NSF: variants seen among roughly 807,000 people sequenced by gnomAD.
NSF encodes N-ethylmaleimide sensitive factor, vesicle fusing ATPase, also known as vesicle-fusing ATPase.
A neutral mutation model predicts 50.3 loss-of-function variants in NSF; 14 were observed. That is an observed-to-expected ratio of 0.28 (90% CI 0.18 to 0.44). The LOEUF (loss-of-function observed/expected upper bound fraction) is 0.44. NSF is among the 20% of genes least tolerant of loss of function. NSF has a pLI of 1.00. For synonymous variants in NSF, 109 were observed against 175.7 expected (o/e 0.62, Z 3.00); for missense variants, 218 against 504.3 (o/e 0.43, Z 5.44).
chr17:46,688,100 A>G (rs2058510150), intron 9 of NSF, among the ~76,000 whole-genome samples: 2 of 121,392 alleles, frequency 1.6e-5, no homozygotes, highest in Non-Finnish European at 3.3e-5. Flanking sequence ...TATTTCCTTC[A>G]TACTTCTATA....
intron 17 of NSF, among the ~76,000 whole-genome samples, chr17:46,745,966 C>T (rs182514407): frequency 4.6e-5 from 7 of 152,264 alleles, no homozygotes; most frequent in Admixed American, 4.6e-4. Flanking sequence ...CTTCATCTTC[C>T]TAATCAACCT....
chr17:46,717,816 G>A (rs1598710323), intron 15 of NSF, among the ~76,000 whole-genome samples: 3 of 152,134 alleles, frequency 2.0e-5, no homozygotes, highest in South Asian at 4.1e-4. Flanking sequence ...ACAAGGTGAC[G>A]GAAATCACGC....
chr17:46,719,543 A>G lies in NSF; in HGVS notation c.1761+5557A>G, dbSNP rs911184879. Among the ~76,000 whole-genome samples, 1 of 152,186 alleles carries G rather than the reference A, an allele frequency of 6.6e-6. No individual in the cohort carries two copies. Among genetic ancestry groups the G allele is most frequent in the African/African-American group, 2.4e-5 (1 of 41,448 alleles). On this transcript the variant is annotated intron_variant, in intron 15 of 20. Transcript: ENST00000398238. The surrounding 1 kb of genome is among the most constrained non-coding windows in gnomAD (Gnocchi z 4.3). Reference sequence around the variant, plus strand: ...ACTCCTCAAAACTGCTGAAGTATGTATGAGGTATTGTCCTCACGTTCTGGG... The same window carrying G: ...ACTCCTCAAAACTGCTGAAGTATGTGTGAGGTATTGTCCTCACGTTCTGGG...
intron 9 of NSF, among the ~76,000 whole-genome samples, chr17:46,678,698 A>T (rs1460222047): frequency 8.9e-6 from 1 of 112,578 alleles, no homozygotes; most frequent in Admixed American, 9.5e-5. Context: ...CTCTACATAT[A>T]TAGGCATTAT....
chr17:46,708,939 C>T (rs1460316126), intron 13 of NSF, among the ~76,000 whole-genome samples: 1 of 150,716 alleles, frequency 6.6e-6, no homozygotes, highest in Admixed American at 6.6e-5. Flanking sequence ...ATTCTCCTGC[C>T]TCAGCTTCCT....
At position 46,694,502 on chromosome 17, in the gene NSF, A is replaced by G. The variant is rs1276240077; in HGVS notation, c.1214A>G (p.Gln405Arg). ...IGLPDEKGRL[Q>R]ILHIHTARMR... is the part of the protein sequence containing the mutation. ...TTGCCAGATGAGAAAGGCCGACTAC[A>G]GATTCTTCACATCCACACAGCAAGA... is the stretch of plus-strand genomic sequence containing the variant. Residue 405 changes from glutamine (Q) to arginine (R), a missense_variant, in exon 12 of 21, where the codon CAG becomes CGG. Coordinates refer to ENST00000398238, the MANE Select transcript of NSF (RefSeq NM_006178.4). The G allele has an allele frequency of 1.6e-6, 2 of 1,249,774 alleles. No individual in the cohort carries two copies. The highest frequency in any genetic ancestry group is 3.8e-5 in the Admixed American group (2 of 52,854). The allele number at this position is 1,249,774 out of a possible 1,614,324, so 77.4% of individuals were successfully genotyped here.
chr17:46,597,789 T>C, intron 1 of NSF, among the ~76,000 whole-genome samples: 1 of 3,838 alleles, frequency 2.6e-4, no homozygotes, highest in Non-Finnish European at 7.3e-4. Flanking sequence ...TGCAATACTC[T>C]TTTTTTTTTT....
intron 19 of NSF, among the ~76,000 whole-genome samples, chr17:46,755,105 C>T (rs2059219715): frequency 6.6e-6 from 1 of 152,270 alleles, no homozygotes; most frequent in Non-Finnish European, 1.5e-5. Flanking sequence ...ACCCAGTGTA[C>T]ATAGTTCTGG....
At chr17:46,708,316 C>T (rs1568038356) in intron 13 of NSF, among the ~76,000 whole-genome samples, 1 of 152,230 alleles carries the variant, frequency 6.6e-6, no homozygotes, top group African/African-American at 2.4e-5. Flanking sequence ...ACCAGTGGTG[C>T]ACAAAAATTC....
chr17:46,733,261 G>A (rs1042781093), intron 17 of NSF, among the ~76,000 whole-genome samples: 3 of 152,168 alleles, frequency 2.0e-5, no homozygotes, highest in Non-Finnish European at 4.4e-5. Context: ...AGGAGGAAGC[G>A]GTAGTGAGTG....
rs1380690751 is a variant in NSF, at chr17:46,710,948, C to T, written c.1471-15C>T. The T allele has an allele frequency of 6.4e-7, 1 of 1,574,342 alleles. No homozygotes were observed. Among genetic ancestry groups the T allele is most frequent in the Non-Finnish European group, 8.6e-7 (1 of 1,168,310 alleles). The stretch of plus-strand genomic sequence containing the variant: ...ACTAAGGCTCAAAATGCTTTAGACT[C>T]CTTTTTCTTAATAGGCCTTTGGCAC... On this transcript the variant is annotated splice_polypyrimidine_tract_variant and intron_variant, in intron 13 of 20. Coordinates refer to ENST00000398238, the MANE Select transcript of NSF (RefSeq NM_006178.4).
chr17:46,729,631 A>T (rs1242836932), intron 17 of NSF, among the ~76,000 whole-genome samples: 2 of 152,172 alleles, frequency 1.3e-5, no homozygotes, highest in East Asian at 1.9e-4. Flanking sequence ...TGCATGCTGT[A>T]ACCTTGAAAA....
At chr17:46,750,311 C>T (rs1197697690) in intron 18 of NSF, among the ~76,000 whole-genome samples, 1 of 152,192 alleles carries the variant, frequency 6.6e-6, no homozygotes, top group Non-Finnish European at 1.5e-5. Flanking sequence ...CAAGATTGTG[C>T]CACTGCACTC....
chr17:46,751,668 C>T lies in NSF; in HGVS notation c.2157+52C>T, dbSNP rs1272068252. 2.7e-6 allele frequency: 3 copies of T among 1,095,308 alleles called. No individual in the cohort carries two copies. The African/African-American group carries it at 4.6e-5, about 17-fold the overall frequency. 67.8% of individuals were successfully genotyped at this position (1,095,308 alleles called of 1,614,324 possible). ...TCAGACAGAACAAAGCTTCAGGACA[C>T]ACCAAGAGGGTTCAGTATTTCCTTT... On this transcript the variant is annotated intron_variant, in intron 19 of 20. Transcript: ENST00000398238.
intron 17 of NSF, among the ~76,000 whole-genome samples, chr17:46,748,162 C>T (rs1317266850): frequency 6.6e-6 from 1 of 152,044 alleles, no homozygotes; most frequent in East Asian, 1.9e-4. Context: ...GGCTGGAGTG[C>T]AATGGCGTGA....
intron 19 of NSF, among the ~76,000 whole-genome samples, chr17:46,753,915 T>G (rs1020763509): frequency 2.0e-5 from 3 of 152,214 alleles, no homozygotes; most frequent in Non-Finnish European, 4.4e-5. Context: ...TCGTGGTACC[T>G]CTCTGTTCAC....
intron 17 of NSF, among the ~76,000 whole-genome samples, chr17:46,738,103 T>G (rs1158191451): frequency 6.6e-6 from 1 of 151,916 alleles, no homozygotes; most frequent in African/African-American, 2.4e-5. Flanking sequence ...CTGACTAATC[T>G]TTATATTTTT....
chr17:46,749,045 A>G (rs1025007779), intron 17 of NSF, among the ~76,000 whole-genome samples: 1 of 152,214 alleles, frequency 6.6e-6, no homozygotes, highest in Non-Finnish European at 1.5e-5. Context: ...CCCATCTTCC[A>G]TGGTAGGAAG....
chr17:46,749,859 C>T lies in NSF; in HGVS notation c.1995C>T (p.Ile665=), dbSNP rs367886845. 1.9e-6 allele frequency: 3 copies of T among 1,614,032 alleles called. No individual in the cohort carries two copies. Among genetic ancestry groups the T allele is most frequent in the Non-Finnish European group, 2.5e-6 (3 of 1,180,012 alleles). The change falls in exon 18 of 21, where the codon ATC becomes ATT. Residue 665 remains isoleucine (I), a synonymous_variant. Coordinates refer to ENST00000398238, the MANE Select transcript of NSF (RefSeq NM_006178.4). ...MEMLNAFSTT[I]HVPNIATGEQ... Reference sequence around the variant, plus strand: ...TGCTTAACGCTTTCAGCACCACCATCCACGTGCCCAACATTGCCACAGGAG... The same window carrying T: ...TGCTTAACGCTTTCAGCACCACCATTCACGTGCCCAACATTGCCACAGGAG...
Sources: gnomAD v4.1 joint callset for allele counts (sites outside exome capture counted in the v4.1 genomes callset) on GRCh38, gnomAD v4.1.1 for gene constraint, Gnocchi (gnomAD v3.1) non-coding constraint, MANE v1.5 for transcripts, NCBI Gene and HGNC (gene_info 2026-07-23, HGNC 2026-07-21) for gene names.